The following OSBPL1A variants were observed in gnomAD, a reference collection of about 807,000 sequenced individuals.
The protein encoded by OSBPL1A is oxysterol-binding protein-related protein 1.
Under a neutral mutation model 137.1 loss-of-function variants are expected in OSBPL1A, and 80 were observed. The observed-to-expected ratio is 0.58, with a 90% CI of 0.49 to 0.70. OSBPL1A has a LOEUF of 0.70. Among genes scored for constraint, OSBPL1A ranks in the 30% least tolerant of loss-of-function variants. OSBPL1A has a pLI of 0.00. For synonymous variants in OSBPL1A, 365 were observed against 389.7 expected, an observed-to-expected ratio of 0.94 and a Z score of 0.75; for missense variants, 970 against 1,129.4, an observed-to-expected ratio of 0.86 and a Z score of 2.02.
intron 27 of OSBPL1A, 26 bp from the exon 28 acceptor site, chr18:24,163,307 T>TA: frequency 6.6e-7 from 1 of 1,513,492 alleles, no homozygotes; most frequent in South Asian, 1.2e-5. Context: ...GGACAAGACT[T>TA]ACAGGGGAAA....
At chr18:24,171,597 G>A in intron 22 of OSBPL1A, 99 bp from the exon 23 acceptor site, 1 of 902,994 alleles carries the variant, frequency 1.1e-6, no homozygotes, top group South Asian at 1.6e-5. Context: ...TACTGTTTAT[G>A]GATTTTCTCT....
At chr18:24,202,683 T>C (rs1259334734) in intron 17 of OSBPL1A, among the ~76,000 whole-genome samples, 1 of 152,240 alleles carries the variant, frequency 6.6e-6, no homozygotes, top group African/African-American at 2.4e-5. Flanking sequence ...AAACAATTCA[T>C]TATTAACAGG....
chr18:24,340,436 G>A (rs1451275454), intron 5 of OSBPL1A, among the ~76,000 whole-genome samples: 2 of 152,150 alleles, frequency 1.3e-5, no homozygotes, highest in Non-Finnish European at 1.5e-5. Context: ...ACTTTTGGGA[G>A]GCCGAGATGG....
intron 15 of OSBPL1A, among the ~76,000 whole-genome samples, chr18:24,273,569 AGATTG>A (rs1258631045): frequency 4.6e-5 from 7 of 152,244 alleles, no homozygotes; most frequent in African/African-American, 1.4e-4. Context: ...GTTTAGATCC[AGATTG>A]GTCTGATCCC....
chr18:24,212,342 G>A (rs2588590), intron 17 of OSBPL1A, among the ~76,000 whole-genome samples: 1 of 152,042 alleles, frequency 6.6e-6, no homozygotes, highest in Non-Finnish European at 1.5e-5. Context: ...ACGGGTGTGA[G>A]ACACCACGCC....
intron 1 of OSBPL1A, among the ~76,000 whole-genome samples, chr18:24,391,538 C>T (rs1242722973): frequency 1.4e-5 from 2 of 141,460 alleles, no homozygotes; most frequent in Non-Finnish European, 3.0e-5. Flanking sequence ...GTCTGGGCAA[C>T]ACAGCAAGAC....
At chr18:24,217,862 A>C (rs2087757747) in intron 17 of OSBPL1A, among the ~76,000 whole-genome samples, 1 of 152,176 alleles carries the variant, frequency 6.6e-6, no homozygotes, top group Admixed American at 6.5e-5. Flanking sequence ...TGAAACATAA[A>C]TCTGGCCACA....
At chr18:24,210,535 CTT>C (rs11355890) in intron 17 of OSBPL1A, among the ~76,000 whole-genome samples, 56 of 143,144 alleles carry the variant, frequency 3.9e-4, no homozygotes, top group Middle Eastern at 3.5e-3. Flanking sequence ...TTTTCTTTTT[CTT>C]TTTTTTTTTT....
At chr18:24,215,430 T>TC (rs2087668284) in intron 17 of OSBPL1A, among the ~76,000 whole-genome samples, 1 of 152,214 alleles carries the variant, frequency 6.6e-6, no homozygotes, top group Non-Finnish European at 1.5e-5. Context: ...ACCAAATTTT[T>TC]CTGAGGATTC....
intron 15 of OSBPL1A, among the ~76,000 whole-genome samples, chr18:24,269,203 T>C (rs756980376): frequency 2.6e-5 from 4 of 152,308 alleles, no homozygotes; most frequent in Non-Finnish European, 5.9e-5. Flanking sequence ...ATCCTTCTCA[T>C]AAGGAGCAAA....
At position 24,187,660 on chromosome 18, in the gene OSBPL1A, A is replaced by C. The variant is rs1321146221; in HGVS notation, c.1678-6381T>G. On this transcript the variant is annotated intron_variant, in intron 18 of 27. Coordinates refer to ENST00000319481, the MANE Select transcript of OSBPL1A (RefSeq NM_080597.4). ...ATGCTAGCTATTATCACTGTTATTA[A>C]TAATGCAGACAAGATCTCCAAGTCC... Among the ~76,000 whole-genome samples the C allele has an allele frequency of 2.0e-5, 3 of 152,248 alleles. No homozygotes were observed. In the East Asian group the frequency reaches 5.8e-4, roughly 29 times the overall value.
chr18:24,165,290 T>A, intron 26 of OSBPL1A, 135 bp from the exon 27 acceptor site: 1 of 816,062 alleles, frequency 1.2e-6, no homozygotes, highest in Non-Finnish European at 1.9e-6. Flanking sequence ...AATACCAGAA[T>A]CAAATATCAA....
At chr18:24,251,361 G>A (rs780368869) in intron 15 of OSBPL1A, among the ~76,000 whole-genome samples, 4 of 152,180 alleles carry the variant, frequency 2.6e-5, no homozygotes, top group Non-Finnish European at 5.9e-5. Context: ...TGGCCACATG[G>A]GTGTTTGCAT....
At chr18:24,278,568 A>AT (rs1449831270) in intron 15 of OSBPL1A, among the ~76,000 whole-genome samples, 3 of 152,170 alleles carry the variant, frequency 2.0e-5, no homozygotes, top group Admixed American at 1.3e-4. Context: ...GAATTAGGTT[A>AT]TTTTTTAAGC....
intron 17 of OSBPL1A, among the ~76,000 whole-genome samples, chr18:24,206,146 C>A (rs1189059799): frequency 6.6e-6 from 1 of 152,224 alleles, no homozygotes; most frequent in Non-Finnish European, 1.5e-5. Flanking sequence ...GCACCTTGGC[C>A]TCCCAAAGTG....
intron 18 of OSBPL1A, among the ~76,000 whole-genome samples, chr18:24,191,140 T>C (rs941476106): frequency 1.3e-5 from 2 of 151,708 alleles, no homozygotes; most frequent in African/African-American, 2.4e-5. Flanking sequence ...CTCTGGTGTA[T>C]TTCCCAGAGG....
intron 4 of OSBPL1A, among the ~76,000 whole-genome samples, chr18:24,353,299 C>CA (rs1451971872): frequency 6.6e-5 from 10 of 152,080 alleles, no homozygotes; most frequent in Non-Finnish European, 1.2e-4. Context: ...TTTACGCAGC[C>CA]AAAAAACACA....
At chr18:24,252,379 T>C (rs2089122218) in intron 15 of OSBPL1A, among the ~76,000 whole-genome samples, 1 of 152,208 alleles carries the variant, frequency 6.6e-6, no homozygotes, top group African/African-American at 2.4e-5. Context: ...GCAGCAGGCT[T>C]TTCAGTGGAA....
chr18:24,213,738 G>A (rs189217588), intron 17 of OSBPL1A, among the ~76,000 whole-genome samples: 1 of 152,246 alleles, frequency 6.6e-6, no homozygotes, highest in East Asian at 1.9e-4. Flanking sequence ...AAAGGTTAGG[G>A]TGGTCTTGTT....
Sources: allele counts gnomAD v4.1 joint callset (sites outside exome capture counted in the v4.1 genomes callset), GRCh38; gene constraint gnomAD v4.1.1; transcripts MANE v1.5; gene names NCBI Gene and HGNC (gene_info 2026-07-23, HGNC 2026-07-21).